CEP112: variants seen among roughly 807,000 people sequenced by gnomAD.
CEP112 encodes centrosomal protein 112.
CEP112 carries 127 observed loss-of-function variants against 153.0 expected under a neutral mutation model. The observed-to-expected ratio is 0.83, with a 90% confidence interval of 0.72 to 0.96. The LOEUF (loss-of-function observed/expected upper bound fraction) is 0.96. CEP112 is among the 40% of genes least tolerant of loss of function. The probability of loss-of-function intolerance (pLI) is 0.00; values close to 1 mark genes in which losing one functional copy is unlikely to be tolerated. For synonymous variants in CEP112, 358 were observed against 374.4 expected (o/e 0.96, Z 0.51); for missense variants, 1,089 against 1,101.2 (o/e 0.99, Z 0.16).
chr17:65,914,685 A>T (rs143921439), intron 19 of CEP112, among the ~76,000 whole-genome samples: 1 of 151,610 alleles, frequency 6.6e-6, no homozygotes, highest in Non-Finnish European at 1.5e-5. Context: ...TTATCCCATC[A>T]CTCTCTGCAT....
intron 21 of CEP112, among the ~76,000 whole-genome samples, chr17:65,805,621 T>C (rs2055552356): frequency 6.6e-6 from 1 of 152,226 alleles, no homozygotes; most frequent in South Asian, 2.1e-4. Context: ...TATATTGAGA[T>C]TACATTTTAG....
intron 19 of CEP112, among the ~76,000 whole-genome samples, chr17:65,904,685 C>T (rs1345618113): frequency 6.6e-6 from 1 of 152,128 alleles, no homozygotes; most frequent in African/African-American, 2.4e-5. Context: ...AGGCATCATG[C>T]TACCTGACTT....
intron 20 of CEP112, among the ~76,000 whole-genome samples, chr17:65,863,394 A>C (rs986990728): frequency 6.6e-6 from 1 of 152,204 alleles, no homozygotes; most frequent in African/African-American, 2.4e-5. Flanking sequence ...ACAATAATTA[A>C]ATACTAATAA....
chr17:66,182,716 C>T (rs1324951794), intron 2 of CEP112, among the ~76,000 whole-genome samples: 4 of 152,282 alleles, frequency 2.6e-5, no homozygotes, highest in Non-Finnish European at 5.9e-5. Flanking sequence ...GAATTGGAGA[C>T]AAGATAGCAA....
intron 4 of CEP112, among the ~76,000 whole-genome samples, chr17:66,149,561 A>G (rs117959360): frequency 0.034 from 5,188 of 152,178 alleles, 131 homozygotes; most frequent in Middle Eastern, 0.061. Flanking sequence ...TTGGTAGGTC[A>G]TGTGTTGTGA....
At chr17:65,754,903 G>C (rs2052145667) in intron 21 of CEP112, among the ~76,000 whole-genome samples, 1 of 152,128 alleles carries the variant, frequency 6.6e-6, no homozygotes, top group Non-Finnish European at 1.5e-5. Flanking sequence ...ATGGACACAT[G>C]GGGGCGGGAC....
chr17:65,677,306 C>T (rs997127490), intron 24 of CEP112, among the ~76,000 whole-genome samples: 3 of 152,072 alleles, frequency 2.0e-5, no homozygotes, highest in South Asian at 2.1e-4. Context: ...GAGCTAAGTA[C>T]GTATTAAGTT....
At chr17:65,706,909 AC>A (rs1251386337) in intron 23 of CEP112, among the ~76,000 whole-genome samples, 3 of 152,172 alleles carry the variant, frequency 2.0e-5, no homozygotes, top group Admixed American at 2.0e-4. Flanking sequence ...GCACAGTACC[AC>A]TACCACCCAC....
chr17:65,800,874 T>G (rs1010699662), intron 21 of CEP112, among the ~76,000 whole-genome samples: 1 of 152,200 alleles, frequency 6.6e-6, no homozygotes, highest in East Asian at 1.9e-4. Flanking sequence ...GTGTTGAGCA[T>G]CAGTGGTGTT....
At chr17:65,769,962 A>G (rs959033423) in intron 21 of CEP112, among the ~76,000 whole-genome samples, 2 of 152,116 alleles carry the variant, frequency 1.3e-5, no homozygotes, top group Non-Finnish European at 2.9e-5. Context: ...GTTCCCAGAG[A>G]GACAAGGAGT....
At chr17:66,075,318 A>G (rs567963230) in intron 8 of CEP112, among the ~76,000 whole-genome samples, 2 of 152,334 alleles carry the variant, frequency 1.3e-5, no homozygotes, top group South Asian at 4.1e-4. Context: ...GGTGGAAATT[A>G]GAAAATGGGA....
intron 12 of CEP112, among the ~76,000 whole-genome samples, chr17:66,030,914 A>G (rs1017855062): frequency 5.3e-5 from 8 of 152,206 alleles, no homozygotes; most frequent in Admixed American, 1.3e-4. Context: ...TTTAAGCATT[A>G]GATAATATTA....
chr17:66,042,713 A>G (rs1035733186), intron 12 of CEP112, among the ~76,000 whole-genome samples: 2 of 152,226 alleles, frequency 1.3e-5, no homozygotes, highest in African/African-American at 4.8e-5. Flanking sequence ...TAGTGTATCA[A>G]TATTGATTTA....
At chr17:65,968,953 G>A (rs1330422328) in intron 17 of CEP112, among the ~76,000 whole-genome samples, 1 of 152,034 alleles carries the variant, frequency 6.6e-6, no homozygotes, top group Non-Finnish European at 1.5e-5. Context: ...AATATCTAGA[G>A]TATTTGAAAG....
Position 66,062,967 on chromosome 17 carries a change from T to G in CEP112, c.1070A>C (p.Lys357Thr). The G allele has an allele frequency of 6.5e-7, 1 of 1,535,514 alleles. No individual in the cohort carries two copies. The highest frequency in any genetic ancestry group is 1.2e-5 in the South Asian group (1 of 80,916). Residue 357 changes from lysine to threonine, a missense_variant, in exon 11 of 27, where the codon AAA (lysine) becomes ACA (threonine). By Grantham distance (78) the Lys-to-Thr change is moderately conservative. Transcript: ENST00000535342. ...STESLNNDWE[K>T]KLHNAVAEME... ...TTAGTATTTTATGTAGCTTACCTTTTTTTCCCAGTCATTATTTAGAGATTC... is the reference window on the plus strand; with the variant it reads ...TTAGTATTTTATGTAGCTTACCTTTGTTTCCCAGTCATTATTTAGAGATTC...
chr17:65,977,424 C>T (rs2063076787), intron 17 of CEP112, among the ~76,000 whole-genome samples: 1 of 152,188 alleles, frequency 6.6e-6, no homozygotes, highest in South Asian at 2.1e-4. Flanking sequence ...AGAATAGAGG[C>T]TTTAAAGTCA....
chr17:66,052,627 G>T (rs1598237534), intron 12 of CEP112, among the ~76,000 whole-genome samples: 1 of 152,082 alleles, frequency 6.6e-6, no homozygotes, highest in African/African-American at 2.4e-5. Flanking sequence ...CTTCAGTAAG[G>T]ACCATTTTGG....
In CEP112 at chr17:65,874,883, C is replaced by A. The variant is rs564843233; in HGVS notation, c.2164-22849G>T. Among the ~76,000 whole-genome samples, 34 of 152,100 alleles carry A rather than the reference C, an allele frequency of 2.2e-4. 1 individual carries two copies. The South Asian group carries it at 6.6e-3, about 30-fold the overall frequency. On this transcript the variant is annotated intron_variant, in intron 20 of 26. Transcript: ENST00000535342. ...TGTAAATTATTCTTTACATCGTAATCAAAAATGTGTCAATCTTTGTTAAAG... is the reference window on the plus strand; with the variant it reads ...TGTAAATTATTCTTTACATCGTAATAAAAAATGTGTCAATCTTTGTTAAAG...
chr17:65,650,048 CAGAG>C (rs1227972572), intron 24 of CEP112, among the ~76,000 whole-genome samples: 24 of 152,252 alleles, frequency 1.6e-4, no homozygotes, highest in Admixed American at 1.5e-3. Flanking sequence ...CCTGCAACTC[CAGAG>C]AGTCACCTGG....
Sources: gnomAD v4.1 joint callset for allele counts (sites outside exome capture counted in the v4.1 genomes callset) on GRCh38, gnomAD v4.1.1 for gene constraint, MANE v1.5 for transcripts, NCBI Gene and HGNC (gene_info 2026-07-23, HGNC 2026-07-21) for gene names.